ELFN1: variants seen among roughly 807,000 people sequenced by gnomAD.
ELFN1 encodes extracellular leucine rich repeat and fibronectin type III domain containing 1.
ELFN1 carries 6 observed loss-of-function variants against 7.6 expected under a neutral mutation model. That is an observed-to-expected ratio of 0.79 (90% CI 0.43 to 1.56). ELFN1 has a LOEUF of 1.56. ELFN1 is among the 40% of genes most tolerant of loss of function. ELFN1 has a pLI of 0.01. For missense variants in ELFN1, 1,169 were observed against 1,232.2 expected, an observed-to-expected ratio of 0.95 and a Z score of 0.77; for synonymous variants, 657 against 588.1, an observed-to-expected ratio of 1.12 and a Z score of -1.70.
At chr7:1,680,489 G>A (rs949162394) in intron 1 of ELFN1, among the ~76,000 whole-genome samples, 42 of 152,314 alleles carry the variant, frequency 2.8e-4, no homozygotes, top group Admixed American at 5.2e-4. Flanking sequence ...TCCCTTGCGT[G>A]AGCTTGCTTC....
chr7:1,686,311 G>GTTTTTTT (rs1202953401), intron 1 of ELFN1, among the ~76,000 whole-genome samples: 1 of 113,964 alleles, frequency 8.8e-6, no homozygotes, highest in Non-Finnish European at 1.8e-5. Context: ...GTTTGTCCTT[G>GTTTTTTT]TTTTTTTTTT....
chr7:1,714,951 C>T (rs532364808), intron 3 of ELFN1, among the ~76,000 whole-genome samples: 6 of 152,340 alleles, frequency 3.9e-5, no homozygotes, highest in East Asian at 3.9e-4. Flanking sequence ...TCTGCCACTG[C>T]GGACGTTTGT....
chr7:1,691,680 G>A (rs991967541), intron 2 of ELFN1, among the ~76,000 whole-genome samples: 3 of 152,220 alleles, frequency 2.0e-5, no homozygotes, highest in African/African-American at 7.2e-5. Flanking sequence ...GTAGGTCTCT[G>A]TTGGCATCAG....
At chr7:1,698,353 G>A (rs758151165) in intron 2 of ELFN1, among the ~76,000 whole-genome samples, 10 of 152,062 alleles carry the variant, frequency 6.6e-5, no homozygotes, top group African/African-American at 9.7e-5. Flanking sequence ...TTGCACCCTC[G>A]GTGCTCCCTC....
intron 2 of ELFN1, among the ~76,000 whole-genome samples, chr7:1,699,445 C>T (rs1380207483): frequency 6.6e-6 from 1 of 152,102 alleles, no homozygotes; most frequent in African/African-American, 2.4e-5. Context: ...TGAAACAAGT[C>T]TGGGCAACAT....
intron 1 of ELFN1, among the ~76,000 whole-genome samples, chr7:1,672,216 G>A (rs1778781298): frequency 6.6e-6 from 1 of 152,148 alleles, no homozygotes; most frequent in South Asian, 2.1e-4. Flanking sequence ...GATGTGGTGG[G>A]CACCTGCACC....
At chr7:1,697,992 G>A (rs1779354247) in intron 2 of ELFN1, among the ~76,000 whole-genome samples, 1 of 152,200 alleles carries the variant, frequency 6.6e-6, no homozygotes, top group Admixed American at 6.5e-5. Flanking sequence ...CGGCGGGCGG[G>A]CGCTGACTAA....
At chr7:1,667,549 C>T (rs1778689364), upstream of ELFN1, among the ~76,000 whole-genome samples, 1 of 152,206 alleles carries the variant, frequency 6.6e-6, no homozygotes, top group African/African-American at 2.4e-5. The surrounding 1 kb of genome is among the most constrained non-coding windows in gnomAD (Gnocchi z 8.2). Flanking sequence ...TCTCCCCCAC[C>T]CCACCTGGAC....
At chr7:1,677,871 G>A (rs6972586) in intron 1 of ELFN1, among the ~76,000 whole-genome samples, 8,942 of 152,026 alleles carry the variant, frequency 0.059, 913 homozygotes, top group African/African-American at 0.2. Context: ...GTCTGGGAGC[G>A]GCCGGCTCCC....
At chr7:1,681,887 T>C (rs1259534735) in intron 1 of ELFN1, among the ~76,000 whole-genome samples, 1 of 152,246 alleles carries the variant, frequency 6.6e-6, no homozygotes, top group Non-Finnish European at 1.5e-5. Context: ...TAGGCATTCA[T>C]ATTTCTTCTT....
Position 1,745,471 on chromosome 7 carries a change from A to T in ELFN1, c.875A>T (p.Asp292Val). 3.9e-6 allele frequency: 6 copies of T among 1,542,116 alleles called. No individual in the cohort carries two copies. Among genetic ancestry groups the T allele is most frequent in the Non-Finnish European group, 4.4e-6 (5 of 1,146,704 alleles). ...PEPSDMPCAD[D>V]ECFSGDGTTP... Reference sequence around the variant, plus strand: ...CCCAGTGACATGCCCTGTGCCGATGATGAGTGCTTCTCCGGGGACGGCACC... The same window carrying T: ...CCCAGTGACATGCCCTGTGCCGATGTTGAGTGCTTCTCCGGGGACGGCACC... The change falls in exon 4 of 4, where the codon GAT becomes GTT. Residue 292 changes from aspartate to valine, a missense_variant. Physicochemically the swap from Asp to Val is radical, Grantham distance 152. Coordinates refer to ENST00000424383, the MANE Select transcript of ELFN1 (RefSeq NM_001128636.4).
intron 3 of ELFN1, among the ~76,000 whole-genome samples, chr7:1,742,585 G>T (rs112569165): frequency 1.3e-5 from 2 of 152,186 alleles, no homozygotes; most frequent in Admixed American, 6.5e-5. Context: ...ACCGGACCAC[G>T]TGGGGACCCC....
chr7:1,688,237 T>G (rs1779094855), intron 2 of ELFN1, 87 bp downstream of exon 2: 2 of 152,160 alleles, frequency 1.3e-5, no homozygotes, highest in African/African-American at 4.8e-5. Context: ...CTAGTAATTC[T>G]TAATTTTTTG....
intron 3 of ELFN1, among the ~76,000 whole-genome samples, chr7:1,711,601 A>C (rs1479961758): frequency 2.7e-5 from 4 of 150,906 alleles, no homozygotes; most frequent in African/African-American, 9.8e-5. Context: ...AGAGAGAGAG[A>C]GAGAGAGAGA....
chr7:1,720,781 TCTTA>T (rs1204055270), intron 3 of ELFN1, among the ~76,000 whole-genome samples: 1 of 127,848 alleles, frequency 7.8e-6, no homozygotes, highest in East Asian at 2.5e-4. Flanking sequence ...CAGTGTAAGC[TCTTA>T]CTTTTATTAT....
At chr7:1,692,729 C>T (rs752984387) in intron 2 of ELFN1, 10 of 154,082 alleles carry the variant, frequency 6.5e-5, no homozygotes, top group Non-Finnish European at 8.7e-5. Context: ...CTCCCCTCAA[C>T]CTCACCAGCT....
upstream of ELFN1, among the ~76,000 whole-genome samples, chr7:1,667,231 C>T (rs1221447133): frequency 6.6e-6 from 1 of 151,858 alleles, no homozygotes; most frequent in Non-Finnish European, 1.5e-5. The surrounding 1 kb of genome is among the most constrained non-coding windows in gnomAD (Gnocchi z 8.2). Flanking sequence ...CCGAGTCCTC[C>T]GCCGCGGGCT....
chr7:1,710,219 G>A (rs114980398), intron 3 of ELFN1, among the ~76,000 whole-genome samples: 4,311 of 152,278 alleles, frequency 0.028, 219 homozygotes, highest in African/African-American at 0.099. Flanking sequence ...AATTCCAATG[G>A]ACCACAAGAG....
At position 1,745,584 on chromosome 7, in the gene ELFN1, A is replaced by G; in HGVS notation, c.988A>G (p.Thr330Ala). The G allele has an allele frequency of 6.4e-7, 1 of 1,550,718 alleles. No individual in the cohort carries two copies. Among genetic ancestry groups the G allele is most frequent in the Non-Finnish European group, 8.7e-7 (1 of 1,146,934 alleles). The change falls in exon 4 of 4, where the codon ACC (threonine) becomes GCC (alanine). Residue 330 changes from threonine (T) to alanine (A), a missense_variant. Thr to Ala is a moderately conservative substitution (Grantham distance 58). Around this residue, in one of 2 missense-constraint regions of ELFN1, gnomAD observed 914 missense variants for 872.6 expected, o/e 1.05. Transcript: ENST00000424383. The part of the protein sequence containing the change: ...KVKQLTQNSA[T>A]ITVQLPSPFH... ...CAAGCAGCTCACTCAGAACTCGGCCACCATCACCGTCCAGCTGCCCAGCCC... is the reference window on the plus strand; with the variant it reads ...CAAGCAGCTCACTCAGAACTCGGCCGCCATCACCGTCCAGCTGCCCAGCCC...
Sources: gnomAD v4.1 joint callset for allele counts (sites outside exome capture counted in the v4.1 genomes callset) on GRCh38, gnomAD v4.1.1 for gene constraint, gnomAD v4.1.1 regional missense constraint, Gnocchi (gnomAD v3.1) non-coding constraint, MANE v1.5 for transcripts, NCBI Gene and HGNC (gene_info 2026-07-23, HGNC 2026-07-21) for gene names.